Variants in PALLD observed in about 807,000 individuals in gnomAD.
The protein encoded by PALLD is palladin.
PALLD carries 61 observed loss-of-function variants against 123.5 expected under a neutral mutation model. The observed-to-expected ratio is 0.49, with a 90% CI of 0.40 to 0.61. The LOEUF (loss-of-function observed/expected upper bound fraction) is 0.61, where lower values mean the gene tolerates loss of function less well. Among genes scored for constraint, PALLD ranks in the 20% least tolerant of loss-of-function variants. The probability of loss-of-function intolerance (pLI) is 0.00; values close to 1 mark genes in which losing one functional copy is unlikely to be tolerated. For synonymous variants in PALLD, 465 were observed against 496.4 expected, an observed-to-expected ratio of 0.94 and a Z score of 0.84; for missense variants, 1,273 against 1,377.0, an observed-to-expected ratio of 0.92 and a Z score of 1.20.
At chr4:168,754,722 A>G (rs1561484464) in intron 10 of PALLD, among the ~76,000 whole-genome samples, 1 of 152,124 alleles carries the variant, frequency 6.6e-6, no homozygotes, top group East Asian at 1.9e-4. Flanking sequence ...AAGTCCTTAA[A>G]CATTCATTCA....
At chr4:168,673,429 A>G (rs1413600359) in intron 3 of PALLD, among the ~76,000 whole-genome samples, 1 of 152,240 alleles carries the variant, frequency 6.6e-6, no homozygotes, top group African/African-American at 2.4e-5. Flanking sequence ...AGATGTGCCT[A>G]AGTTGCAGGA....
In PALLD at chr4:168,562,062, G is replaced by A. The variant is rs148666210; in HGVS notation, c.908+49650G>A. On this transcript the variant is annotated intron_variant, in intron 2 of 21. Coordinates refer to ENST00000505667, the MANE Select transcript of PALLD (RefSeq NM_001166108.2). The stretch of plus-strand genomic sequence containing the variant: ...CTACAGGTGATGAACTTAAAACTCA[G>A]AGAAGTGGAAAGATTGGCTCAAAGG... Among the ~76,000 whole-genome samples, 285 of 150,758 alleles carry A rather than the reference G, an allele frequency of 1.9e-3. 1 individual carries two copies. Among genetic ancestry groups the A allele is most frequent in the African/African-American group, 6.6e-3 (269 of 40,956 alleles).
intron 1 of PALLD, 147 bp downstream of exon 1, chr4:168,497,341 G>A (rs1008604024): frequency 2.6e-5 from 4 of 152,012 alleles, no homozygotes; most frequent in Admixed American, 6.5e-5. Context: ...GAGAGGAAAC[G>A]TAATGAGAAT....
At chr4:168,502,521 TTACTC>T (rs1354855079) in intron 1 of PALLD, among the ~76,000 whole-genome samples, 1 of 152,188 alleles carries the variant, frequency 6.6e-6, no homozygotes, top group Non-Finnish European at 1.5e-5. Context: ...TTAGCACTGA[TTACTC>T]TATCAAGTTT....
At chr4:168,539,581 A>C (rs1476958594) in intron 2 of PALLD, among the ~76,000 whole-genome samples, 32 of 23,400 alleles carry the variant, frequency 1.4e-3, no homozygotes, top group African/African-American at 3.4e-3. Flanking sequence ...ATAAATAAAT[A>C]AATAAATAAA....
At chr4:168,662,376 C>T (rs1025973220) in intron 2 of PALLD, among the ~76,000 whole-genome samples, 2 of 152,158 alleles carry the variant, frequency 1.3e-5, no homozygotes, top group Non-Finnish European at 2.9e-5. Flanking sequence ...GAATGTATCC[C>T]CTAGAAAGAG....
intron 10 of PALLD, among the ~76,000 whole-genome samples, chr4:168,815,422 C>T (rs1301346230): frequency 6.6e-6 from 1 of 152,224 alleles, no homozygotes; most frequent in African/African-American, 2.4e-5. Flanking sequence ...TTGTCACTTA[C>T]ACCTTGCCTA....
At chr4:168,750,806 A>C (rs1730957528) in intron 10 of PALLD, among the ~76,000 whole-genome samples, 2 of 152,156 alleles carry the variant, frequency 1.3e-5, no homozygotes, top group South Asian at 4.1e-4. Flanking sequence ...CTCCAGAAAG[A>C]CTTTCCTAAT....
At chr4:168,804,230 C>A (rs1875295) in intron 10 of PALLD, among the ~76,000 whole-genome samples, 25,381 of 151,410 alleles carry the variant, frequency 0.17, 2,246 homozygotes, top group East Asian at 0.22. Context: ...ATTAACCCTG[C>A]AACTAACATG....
chr4:168,795,979 A>G (rs1288735539), intron 10 of PALLD, among the ~76,000 whole-genome samples: 2 of 152,190 alleles, frequency 1.3e-5, no homozygotes, highest in Non-Finnish European at 2.9e-5. Flanking sequence ...GCAATGTGAA[A>G]TAATCACAAT....
At chr4:168,657,513 T>C (rs375103789) in intron 2 of PALLD, among the ~76,000 whole-genome samples, 55 of 152,274 alleles carry the variant, frequency 3.6e-4, no homozygotes, top group Middle Eastern at 6.8e-3. Flanking sequence ...CTCAGTGATA[T>C]AAGAGTTAAG....
intron 1 of PALLD, among the ~76,000 whole-genome samples, chr4:168,502,688 C>T (rs1454503831): frequency 1.3e-5 from 2 of 152,004 alleles, no homozygotes; most frequent in African/African-American, 4.8e-5. Flanking sequence ...GCCCTTGAGT[C>T]CAGGAGTTTG....
intron 2 of PALLD, chr4:168,598,708 G>T: frequency 2.6e-6 from 1 of 381,496 alleles, no homozygotes; most frequent in South Asian, 2.2e-5. Context: ...TGTTTTGCAA[G>T]CTGTACCCTT....
intron 10 of PALLD, among the ~76,000 whole-genome samples, chr4:168,824,522 A>G (rs1351068090): frequency 6.6e-6 from 1 of 152,148 alleles, no homozygotes; most frequent in Non-Finnish European, 1.5e-5. Flanking sequence ...AAATTGACCA[A>G]ATTTTCTCAA....
intron 2 of PALLD, among the ~76,000 whole-genome samples, chr4:168,564,069 G>T (rs1440999625): frequency 6.6e-6 from 1 of 152,044 alleles, no homozygotes; most frequent in Non-Finnish European, 1.5e-5. Flanking sequence ...AATCTCTCTG[G>T]GCTTCATTAG....
chr4:168,855,611 G>A (rs982814890), intron 10 of PALLD, among the ~76,000 whole-genome samples: 4 of 152,208 alleles, frequency 2.6e-5, no homozygotes, highest in Non-Finnish European at 4.4e-5. Flanking sequence ...AATATGAATG[G>A]GATGGCTACG....
rs1762596378 is a variant in PALLD at position 168,512,315 on chromosome 4, C to T, written c.811C>T (p.Pro271Ser). 9 of 1,614,170 alleles carry T rather than the reference C, an allele frequency of 5.6e-6. No individual in the cohort carries two copies. The highest frequency in any genetic ancestry group is 7.6e-6 in the Non-Finnish European group (9 of 1,180,032). The change falls in exon 2 of 22, where the codon CCT becomes TCT. Residue 271 changes from proline to serine, a missense_variant. By Grantham distance (74) the Pro-to-Ser change is moderately conservative (BLOSUM62 -1). This residue lies in a region of PALLD where 944 missense variants were observed against 954.5 expected (regional missense o/e 0.99). Coordinates refer to ENST00000505667, the MANE Select transcript of PALLD (RefSeq NM_001166108.2). Reference sequence around the variant, plus strand: ...CAGCGCCCTCCACTTCCCAGCTGCACCTCGATTCATCCAAAAGCTGAGGAG... The same window carrying T: ...CAGCGCCCTCCACTTCCCAGCTGCATCTCGATTCATCCAAAAGCTGAGGAG... ...PHSALHFPAAPRFIQKLRSQE... is the reference protein window; with the variant it reads ...PHSALHFPAASRFIQKLRSQE...
intron 2 of PALLD, among the ~76,000 whole-genome samples, chr4:168,623,708 T>G (rs1053596685): frequency 6.6e-6 from 1 of 152,326 alleles, no homozygotes; most frequent in Non-Finnish European, 1.5e-5. Context: ...GGTTATGACC[T>G]TACTCTCAGG....
At chr4:168,691,161 G>A (rs1782584891) in intron 7 of PALLD, 108 bp from the exon 8 acceptor site, 2 of 775,602 alleles carry the variant, frequency 2.6e-6, no homozygotes, top group African/African-American at 3.5e-5. Context: ...CATTTCTTCA[G>A]ACATGTCCTA....
Sources: allele counts gnomAD v4.1 joint callset (sites outside exome capture counted in the v4.1 genomes callset), GRCh38; gene constraint gnomAD v4.1.1; regional missense constraint gnomAD v4.1.1; transcripts MANE v1.5; gene names NCBI Gene and HGNC (gene_info 2026-07-23, HGNC 2026-07-21).